The following CAMK1D variants were observed in gnomAD, a reference collection of about 807,000 sequenced individuals.
CAMK1D encodes calcium/calmodulin dependent protein kinase ID.
A neutral mutation model predicts 47.7 loss-of-function variants in CAMK1D; 9 were observed. That is an observed-to-expected ratio of 0.19 (90% CI 0.11 to 0.33). The LOEUF is 0.33. Among genes scored for constraint, CAMK1D ranks in the 10% least tolerant of loss-of-function variants. The pLI, the probability that CAMK1D is intolerant of heterozygous loss-of-function variation, is 1.00. For synonymous variants in CAMK1D, 184 were observed against 184.9 expected (o/e 0.99, Z 0.04); for missense variants, 291 against 488.7 (o/e 0.60, Z 3.81).
chr10:12,500,843 C>T (rs550395056), intron 1 of CAMK1D, among the ~76,000 whole-genome samples: 1 of 152,360 alleles, frequency 6.6e-6, no homozygotes, highest in Admixed American at 6.5e-5. Context: ...ATCAAATTCT[C>T]TTGTTAGCAT....
chr10:12,505,855 C>T lies in CAMK1D; in HGVS notation c.93-47370C>T, dbSNP rs535061183. ...AAACCAATGATTTTCAGACAGCTGT[C>T]ATCTTCCTCCTCCTCCTCCTCCTCC... On this transcript the variant is annotated intron_variant, in intron 1 of 10. Coordinates refer to ENST00000619168, the MANE Select transcript of CAMK1D (RefSeq NM_153498.4). Among the ~76,000 whole-genome samples, 3 of 141,604 alleles carry T rather than the reference C, an allele frequency of 2.1e-5. No homozygotes were observed. The East Asian group carries it at 5.9e-4, about 28-fold the overall frequency. 92.9% of individuals were successfully genotyped at this position (141,604 alleles called of 152,430 possible).
chr10:12,652,844 G>A (rs559560450), intron 2 of CAMK1D, among the ~76,000 whole-genome samples: 8 of 152,234 alleles, frequency 5.3e-5, no homozygotes, highest in South Asian at 4.2e-4. Flanking sequence ...CACACCCCTC[G>A]TTTAAAAAAC....
intron 10 of CAMK1D, 31 bp from the exon 11 acceptor site, chr10:12,828,738 C>A: frequency 6.5e-7 from 1 of 1,531,180 alleles, no homozygotes; most frequent in Non-Finnish European, 8.9e-7. Context: ...ACCTCTGAAA[C>A]TCTGAAGCCC....
intron 2 of CAMK1D, among the ~76,000 whole-genome samples, chr10:12,611,567 T>C (rs1183238556): frequency 6.8e-6 from 1 of 146,020 alleles, no homozygotes; most frequent in East Asian, 2.1e-4. Flanking sequence ...TACCCCCAGT[T>C]CCCTGAATGT....
chr10:12,708,634 T>G (rs973558035), intron 3 of CAMK1D, among the ~76,000 whole-genome samples: 2 of 152,230 alleles, frequency 1.3e-5, no homozygotes, highest in Non-Finnish European at 2.9e-5. Flanking sequence ...CCCTATCCTC[T>G]TTAAAAGTGC....
chr10:12,381,365 G>T (rs1457460745), intron 1 of CAMK1D, among the ~76,000 whole-genome samples: 1 of 149,084 alleles, frequency 6.7e-6, no homozygotes, highest in Non-Finnish European at 1.5e-5. Context: ...TTTTTGAGAC[G>T]GATTCTCCTT....
chr10:12,588,322 T>C (rs1456475821), intron 2 of CAMK1D, among the ~76,000 whole-genome samples: 1 of 152,170 alleles, frequency 6.6e-6, no homozygotes, highest in Non-Finnish European at 1.5e-5. Flanking sequence ...GCATATTCGC[T>C]GACTGCATGC....
chr10:12,383,497 C>T (rs1424020419), intron 1 of CAMK1D, among the ~76,000 whole-genome samples: 1 of 152,178 alleles, frequency 6.6e-6, no homozygotes, highest in African/African-American at 2.4e-5. Flanking sequence ...GTGTTTATTT[C>T]ACCACAGACA....
At chr10:12,797,528 A>G (rs1174234814) in intron 6 of CAMK1D, among the ~76,000 whole-genome samples, 7 of 151,614 alleles carry the variant, frequency 4.6e-5, no homozygotes, top group African/African-American at 1.7e-4. Flanking sequence ...GTTCTTATGA[A>G]CCCTCCTTTC....
chr10:12,528,271 T>C (rs545972518), intron 1 of CAMK1D, among the ~76,000 whole-genome samples: 3 of 152,266 alleles, frequency 2.0e-5, no homozygotes, highest in African/African-American at 7.2e-5. Context: ...GTCTTAACAC[T>C]TGACTATCAC....
intron 3 of CAMK1D, among the ~76,000 whole-genome samples, chr10:12,738,402 C>A (rs1038198615): frequency 1.3e-5 from 2 of 152,152 alleles, no homozygotes; most frequent in Non-Finnish European, 2.9e-5. Context: ...TCTTTCCTGT[C>A]GTCGTTTGTC....
chr10:12,666,180 G>C (rs754478507), intron 2 of CAMK1D, among the ~76,000 whole-genome samples: 4 of 151,950 alleles, frequency 2.6e-5, no homozygotes, highest in Non-Finnish European at 4.4e-5. Context: ...GGGGTGGGGT[G>C]GGGGGACATG....
chr10:12,408,848 C>CTTTTTTTTTTTTT (rs113921067), intron 1 of CAMK1D, among the ~76,000 whole-genome samples: 35 of 121,874 alleles, frequency 2.9e-4, no homozygotes, highest in Admixed American at 3.7e-4. Context: ...TTCTTTCTTT[C>CTTTTTTTTTTTTT]TTTTTTTTTT....
chr10:12,516,529 G>A (rs528989391), intron 1 of CAMK1D, among the ~76,000 whole-genome samples: 1 of 152,204 alleles, frequency 6.6e-6, no homozygotes, highest in Non-Finnish European at 1.5e-5. Flanking sequence ...TGGGTCATAT[G>A]TAAGTATTTA....
chr10:12,355,505 G>A (rs974851889), intron 1 of CAMK1D, among the ~76,000 whole-genome samples: 16 of 143,222 alleles, frequency 1.1e-4, no homozygotes, highest in Middle Eastern at 3.5e-3. Flanking sequence ...TGTGTGTGTG[G>A]TGGGGGAGAG....
chr10:12,661,921 T>G (rs918691538), intron 2 of CAMK1D, among the ~76,000 whole-genome samples: 1 of 152,242 alleles, frequency 6.6e-6, no homozygotes, highest in Non-Finnish European at 1.5e-5. Context: ...CCCATTTCCC[T>G]TTTAAATAGT....
At chr10:12,389,317 C>T (rs1838636637) in intron 1 of CAMK1D, among the ~76,000 whole-genome samples, 1 of 152,168 alleles carries the variant, frequency 6.6e-6, no homozygotes, top group African/African-American at 2.4e-5. Context: ...ATGTTCTGCC[C>T]ATTGCTCTTG....
intron 3 of CAMK1D, among the ~76,000 whole-genome samples, chr10:12,671,623 A>T (rs1274142818): frequency 6.6e-6 from 1 of 151,660 alleles, no homozygotes; most frequent in African/African-American, 2.4e-5. Context: ...ATATATATGG[A>T]GATATATATA....
chr10:12,478,107 G>A (rs1833956658), intron 1 of CAMK1D, among the ~76,000 whole-genome samples: 1 of 149,334 alleles, frequency 6.7e-6, no homozygotes, highest in Non-Finnish European at 1.5e-5. Flanking sequence ...CCGGGTTCAT[G>A]CCATTCTCCT....
Sources: gnomAD v4.1 joint callset for allele counts (sites outside exome capture counted in the v4.1 genomes callset) on GRCh38, gnomAD v4.1.1 for gene constraint, MANE v1.5 for transcripts, NCBI Gene and HGNC (gene_info 2026-07-23, HGNC 2026-07-21) for gene names.